ADAMTSL3: variants seen among roughly 807,000 people sequenced by gnomAD.
ADAMTSL3 encodes the protein ADAMTS like 3.
ADAMTSL3 carries 128 observed loss-of-function variants against 201.7 expected under a neutral mutation model. That is an observed-to-expected ratio of 0.63 (90% confidence interval 0.55 to 0.73). The LOEUF (loss-of-function observed/expected upper bound fraction) is 0.73, where lower values mean the gene tolerates loss of function less well. ADAMTSL3 is among the 30% of genes least tolerant of loss of function. The pLI, the probability that ADAMTSL3 is intolerant of heterozygous loss-of-function variation, is 0.00. For synonymous variants in ADAMTSL3, 738 were observed against 748.4 expected (o/e 0.99, Z 0.23); for missense variants, 1,990 against 2,119.6 (o/e 0.94, Z 1.20).
chr15:83,925,890 T>A (rs1434888417), intron 17 of ADAMTSL3, among the ~76,000 whole-genome samples: 1 of 152,216 alleles, frequency 6.6e-6, no homozygotes, highest in Non-Finnish European at 1.5e-5. Flanking sequence ...ACCACCTTCC[T>A]GTACAGGAGC....
rs2065649343 is a variant in ADAMTSL3, at chr15:83,897,902, G to A, written c.1512G>A (p.Leu504=). The part of the protein sequence containing the change: ...CGRGLRYRVV[L]CINHRGEHVG... Reference sequence around the variant, plus strand: ...GAGGGTTACGGTACCGGGTTGTTCTGTGTATTAACCACCGCGGAGAGCATG... The same window carrying A: ...GAGGGTTACGGTACCGGGTTGTTCTATGTATTAACCACCGCGGAGAGCATG... Residue 504 remains leucine, a synonymous_variant, in exon 14 of 30, where the codon CTG becomes CTA. Coordinates refer to ENST00000286744, the MANE Select transcript of ADAMTSL3 (RefSeq NM_207517.3). 1 of 1,613,756 alleles carries A rather than the reference G, an allele frequency of 6.2e-7. No individual in the cohort carries two copies. The highest frequency in any genetic ancestry group is 8.5e-7 in the Non-Finnish European group (1 of 1,179,796).
intron 10 of ADAMTSL3, among the ~76,000 whole-genome samples, chr15:83,887,447 T>C (rs1307199050): frequency 6.6e-6 from 1 of 152,222 alleles, no homozygotes; most frequent in African/African-American, 2.4e-5. Context: ...GTAAGTCATC[T>C]TCAAGTTTCT....
intron 25 of ADAMTSL3, among the ~76,000 whole-genome samples, chr15:84,019,775 C>G (rs954609712): frequency 1.3e-5 from 2 of 151,098 alleles, no homozygotes; most frequent in Non-Finnish European, 3.0e-5. Context: ...ACCTGTAATC[C>G]CAGCTTCTCA....
At chr15:83,720,926 C>A (rs2062091836) in intron 3 of ADAMTSL3, among the ~76,000 whole-genome samples, 1 of 152,024 alleles carries the variant, frequency 6.6e-6, no homozygotes. Flanking sequence ...TAGTTTTAAA[C>A]CTTGAATTAT....
chr15:83,901,991 C>T (rs898116335), intron 15 of ADAMTSL3, among the ~76,000 whole-genome samples: 1 of 152,094 alleles, frequency 6.6e-6, no homozygotes, highest in Non-Finnish European at 1.5e-5. Flanking sequence ...GGTTGCAGTC[C>T]GTCCAGTTCC....
intron 23 of ADAMTSL3, 42 bp from the exon 24 acceptor site, chr15:84,014,500 C>T: frequency 6.3e-7 from 1 of 1,577,386 alleles, no homozygotes; most frequent in Non-Finnish European, 8.7e-7. Flanking sequence ...TGGCCCTGTT[C>T]TTAAAGGAAT....
chr15:83,943,820 A>G (rs2066607428), intron 19 of ADAMTSL3, among the ~76,000 whole-genome samples: 2 of 152,210 alleles, frequency 1.3e-5, no homozygotes, highest in African/African-American at 4.8e-5. Flanking sequence ...GTGTCCATCA[A>G]GTCTCCAGCT....
At position 83,968,680 on chromosome 15, in the gene ADAMTSL3, G is replaced by A. The variant is rs368183359; in HGVS notation, c.2491-1804G>A. On this transcript the variant is annotated intron_variant, in intron 19 of 29. Transcript: ENST00000286744. ...TAACTGGGTATATACCCAAAGGATT[G>A]GAAATCATTCTACTATGACACATGC... 2.1e-3 allele frequency among the ~76,000 whole-genome samples: 318 copies of A among 152,286 alleles called. 2 individuals carry two copies. The South Asian group carries it at 0.039, about 19-fold the overall frequency.
At chr15:83,674,788 TA>T (rs530735435) in intron 2 of ADAMTSL3, among the ~76,000 whole-genome samples, 7 of 138,790 alleles carry the variant, frequency 5.0e-5, no homozygotes, top group South Asian at 2.4e-4. Flanking sequence ...TATATATATA[TA>T]AATCTTGCTG....
intron 4 of ADAMTSL3, among the ~76,000 whole-genome samples, chr15:83,800,195 G>C (rs2063495584): frequency 6.6e-6 from 1 of 151,950 alleles, no homozygotes; most frequent in African/African-American, 2.4e-5. Context: ...TCCATATCCT[G>C]GTACATAGTA....
chr15:84,005,874 G>C (rs1473175570), intron 23 of ADAMTSL3, among the ~76,000 whole-genome samples: 1 of 152,134 alleles, frequency 6.6e-6, no homozygotes, highest in East Asian at 1.9e-4. Flanking sequence ...GTTTACTAGA[G>C]AAAAGAAAGT....
chr15:83,699,596 C>T (rs1567081779), intron 2 of ADAMTSL3, among the ~76,000 whole-genome samples: 1 of 152,218 alleles, frequency 6.6e-6, no homozygotes, highest in Non-Finnish European at 1.5e-5. Flanking sequence ...TGTTTAAATA[C>T]TCTTCTATTG....
At chr15:83,965,776 C>G (rs2067070690) in intron 19 of ADAMTSL3, among the ~76,000 whole-genome samples, 1 of 152,070 alleles carries the variant, frequency 6.6e-6, no homozygotes, top group South Asian at 2.1e-4. Flanking sequence ...TGACCACATA[C>G]TTGGAAGTAA....
chr15:83,961,765 CAG>C (rs1236663691), intron 19 of ADAMTSL3: 2 of 152,130 alleles, frequency 1.3e-5, no homozygotes, highest in African/African-American at 4.8e-5. Flanking sequence ...TGACTCAAAA[CAG>C]AGAATCCAGG....
At chr15:83,833,574 C>A (rs1168267186) in intron 6 of ADAMTSL3, among the ~76,000 whole-genome samples, 1 of 152,136 alleles carries the variant, frequency 6.6e-6, no homozygotes, top group African/African-American at 2.4e-5. Context: ...GGAATTTGAA[C>A]CCAGGCAACC....
intron 4 of ADAMTSL3, among the ~76,000 whole-genome samples, chr15:83,792,882 C>T (rs1015745175): frequency 3.9e-5 from 6 of 152,006 alleles, no homozygotes; most frequent in Non-Finnish European, 7.4e-5. Context: ...GAGATATCTG[C>T]ACTTCCATGT....
At chr15:83,686,864 T>A (rs986752326) in intron 2 of ADAMTSL3, among the ~76,000 whole-genome samples, 1 of 152,162 alleles carries the variant, frequency 6.6e-6, no homozygotes, top group Non-Finnish European at 1.5e-5. Context: ...AAGCCACATA[T>A]ATAACTGTAC....
chr15:83,853,658 T>C (rs1596316664), intron 7 of ADAMTSL3, among the ~76,000 whole-genome samples: 1 of 152,260 alleles, frequency 6.6e-6, no homozygotes. Flanking sequence ...TAAACTTCAT[T>C]TGTATATAGT....
intron 7 of ADAMTSL3, among the ~76,000 whole-genome samples, chr15:83,844,060 G>C (rs1228259280): frequency 3.9e-5 from 6 of 152,148 alleles, no homozygotes; most frequent in African/African-American, 1.4e-4. Flanking sequence ...GTATTTCCAG[G>C]TTTGTTCCTT....
Sources: gnomAD v4.1 joint callset for allele counts (sites outside exome capture counted in the v4.1 genomes callset) on GRCh38, gnomAD v4.1.1 for gene constraint, MANE v1.5 for transcripts, NCBI Gene and HGNC (gene_info 2026-07-23, HGNC 2026-07-21) for gene names.